Variants in ACAD11 observed in about 807,000 individuals in gnomAD.
ACAD11 encodes the protein acyl-Coenzyme A dehydrogenase family, member 11.
A neutral mutation model predicts 102.2 loss-of-function variants in ACAD11; 83 were observed. The ratio of observed to expected loss-of-function variants is 0.81; its 90% CI spans 0.68 to 0.97. ACAD11 has a LOEUF of 0.97. ACAD11 is among the 50% of genes least tolerant of loss of function. The probability of loss-of-function intolerance (pLI) is 0.00; values close to 1 mark genes in which losing one functional copy is unlikely to be tolerated. For synonymous variants in ACAD11, 324 were observed against 319.8 expected, an observed-to-expected ratio of 1.01 and a Z score of -0.14; for missense variants, 901 against 951.7, an observed-to-expected ratio of 0.95 and a Z score of 0.70.
At chr3:132,596,434 T>TA (rs1272314054) in intron 13 of ACAD11, among the ~76,000 whole-genome samples, 3 of 152,042 alleles carry the variant, frequency 2.0e-5, no homozygotes, top group East Asian at 1.9e-4. Context: ...AGTTTTTTTT[T>TA]AAAAAAGAGA....
Position 132,631,480 on chromosome 3 carries a change from C to G in ACAD11, c.703-1G>C. On this transcript the variant is annotated splice_acceptor_variant, in intron 5 of 19. Coordinates refer to ENST00000264990, the MANE Select transcript of ACAD11 (RefSeq NM_032169.5). LOFTEE classifies it high-confidence loss of function. ...AATCCAGCACTGCTATAACTCGACA[C>G]TGTAATTAAAAATAAAGAGGTCTGT... is the stretch of plus-strand genomic sequence containing the variant. The G allele has an allele frequency of 6.8e-7, 1 of 1,460,788 alleles. No homozygotes were observed. The highest frequency in any genetic ancestry group is 9.1e-7 in the Non-Finnish European group (1 of 1,101,922). The allele number at this position is 1,460,788 out of a possible 1,614,324, so 90.5% of individuals were successfully genotyped here.
chr3:132,600,577 C>T (rs1341021219), intron 13 of ACAD11: 5 of 1,613,940 alleles, frequency 3.1e-6, no homozygotes, highest in African/African-American at 1.3e-5. Context: ...CAGGCAATTC[C>T]ATGGTAGTGG....
chr3:132,618,940 C>A (rs1460224561), intron 10 of ACAD11, 168 bp from the exon 11 acceptor site: 1 of 517,862 alleles, frequency 1.9e-6, no homozygotes, highest in African/African-American at 2.0e-5. Context: ...CTTATTAATT[C>A]ATTATAAATC....
In ACAD11 at chr3:132,618,650, A is replaced by G. The variant is rs746925126; in HGVS notation, c.1398T>C (p.Phe466=). The change falls in exon 11 of 20, where the codon TTT becomes TTC. Residue 466 remains phenylalanine, a synonymous_variant. Coordinates refer to ENST00000264990, the MANE Select transcript of ACAD11 (RefSeq NM_032169.5). ...TGKCFFAPDV[F]NCQAPDTGNM... is the part of the protein sequence containing the mutation. ...TGTAGTAACCTGGTGCTTGGCAGTT[A>G]AAGACATCTGGAGCAAAAAAGCATT... 2 of 1,601,878 alleles carry G rather than the reference A, an allele frequency of 1.2e-6. No homozygotes were observed. The highest frequency in any genetic ancestry group is 1.7e-6 in the Non-Finnish European group (2 of 1,175,336).
intron 11 of ACAD11, chr3:132,618,391 A>G (rs1018421263): frequency 5.3e-5 from 23 of 433,626 alleles, no homozygotes; most frequent in Non-Finnish European, 7.2e-5. Flanking sequence ...TACACGACCA[A>G]TCCCTTTGGT....
rs551991080 is a variant in ACAD11 at position 132,583,786 on chromosome 3, T to C, written c.1622-4228A>G. Among the ~76,000 whole-genome samples, 53 of 152,354 alleles carry C rather than the reference T, an allele frequency of 3.5e-4. No individual in the cohort carries two copies. The South Asian group carries it at 6.6e-3, about 19-fold the overall frequency. On this transcript the variant is annotated intron_variant, in intron 13 of 19. Transcript: ENST00000264990. ...GTTGGTTTCAAAGAACATCTTTATT[T>C]CTGCCTTCATTTCGTTATGTACCTA...
chr3:132,587,013 G>A (rs1339773512), intron 13 of ACAD11, among the ~76,000 whole-genome samples: 1 of 152,184 alleles, frequency 6.6e-6, no homozygotes, highest in Non-Finnish European at 1.5e-5. Flanking sequence ...AGAATTGCCT[G>A]AACCCGGGAG....
In ACAD11 at chr3:132,628,400, C is replaced by G; in HGVS notation, c.1010G>C (p.Ser337Thr). 1 of 1,613,158 alleles carries G rather than the reference C, an allele frequency of 6.2e-7. No individual in the cohort carries two copies. Among genetic ancestry groups the G allele is most frequent in the Non-Finnish European group, 8.5e-7 (1 of 1,179,582 alleles). Residue 337 changes from serine to threonine, a missense_variant, in exon 8 of 20, where the codon AGC becomes ACC. Coordinates refer to ENST00000264990, the MANE Select transcript of ACAD11 (RefSeq NM_032169.5). ...TTGCACAATATTGGCAAATAAAAAGCTATCCTCAGATGAATTATTTCCCAG... is the reference window on the plus strand; with the variant it reads ...TTGCACAATATTGGCAAATAAAAAGGTATCCTCAGATGAATTATTTCCCAG... ...YLLGNNSSED[S>T]FLFANIVQPL... is the part of the protein sequence containing the mutation.
At chr3:132,600,066 T>A (rs1938500651) in intron 13 of ACAD11, among the ~76,000 whole-genome samples, 1 of 152,222 alleles carries the variant, frequency 6.6e-6, no homozygotes, top group Non-Finnish European at 1.5e-5. Flanking sequence ...TTTCATATTT[T>A]AAAAATCATT....
At chr3:132,573,455 ATAT>A (rs1311821474) in intron 17 of ACAD11, among the ~76,000 whole-genome samples, 1 of 152,180 alleles carries the variant, frequency 6.6e-6, no homozygotes, top group Admixed American at 6.5e-5. Flanking sequence ...TAAATAAAAT[ATAT>A]TATTAAAATT....
chr3:132,583,513 C>T (rs1252671162), intron 13 of ACAD11, among the ~76,000 whole-genome samples: 6 of 151,908 alleles, frequency 3.9e-5, no homozygotes, highest in Admixed American at 1.3e-4. Flanking sequence ...CCTGGATTCA[C>T]TGATTTTTTG....
At chr3:132,625,844 T>C (rs934899696) in intron 9 of ACAD11, among the ~76,000 whole-genome samples, 1 of 152,160 alleles carries the variant, frequency 6.6e-6, no homozygotes, top group Non-Finnish European at 1.5e-5. Context: ...GAATGTGTTA[T>C]ATATTTAGTC....
intron 1 of ACAD11, chr3:132,648,614 C>T (rs1024459766): frequency 6.6e-6 from 1 of 151,652 alleles, no homozygotes; most frequent in Admixed American, 6.6e-5. Context: ...CAGGAAGCCA[C>T]TTATCCCTTG....
At chr3:132,574,118 A>G (rs1030805602) in intron 17 of ACAD11, among the ~76,000 whole-genome samples, 2 of 152,218 alleles carry the variant, frequency 1.3e-5, no homozygotes, top group African/African-American at 4.8e-5. Context: ...CTAATGCAGT[A>G]TTAAAACACC....
At chr3:132,584,895 A>G (rs1937733318) in intron 13 of ACAD11, among the ~76,000 whole-genome samples, 1 of 152,254 alleles carries the variant, frequency 6.6e-6, no homozygotes, top group South Asian at 2.1e-4. Flanking sequence ...GGAAGAATCA[A>G]TATTATGAAA....
chr3:132,568,801 C>CAAAAAAAAAAAAAAAAAA lies in ACAD11; in HGVS notation c.2001+6953_2001+6970dup, dbSNP rs755568917. On this transcript the variant is annotated intron_variant, in intron 17 of 19. Transcript: ENST00000264990. Reference sequence around the variant, plus strand: ...GCTGAAGCAATTGGACATCCACAGGCAAAAAAAAAAAAAAAAAAAAAAAAA... The same window carrying CAAAAAAAAAAAAAAAAAA: ...GCTGAAGCAATTGGACATCCACAGGCAAAAAAAAAAAAAAAAAAAAAAAAAAAAAAAAAAAAAAAAAAA... Among the ~76,000 whole-genome samples the CAAAAAAAAAAAAAAAAAA allele has an allele frequency of 3.1e-4, 21 of 68,678 alleles. 1 individual carries two copies. The highest frequency in any genetic ancestry group is 9.4e-4 in the East Asian group (3 of 3,196). The allele number at this position is 68,678 out of a possible 152,430, so 45.1% of individuals were successfully genotyped here. A position where few individuals can be genotyped will look rare whatever the true frequency, so the allele number is the denominator to read the frequency against.
Position 132,630,520 on chromosome 3 carries a change from G to C in ACAD11, c.880C>G (p.Arg294Gly). 6.2e-7 allele frequency: 1 copy of C among 1,612,108 alleles called. No individual in the cohort carries two copies. Among genetic ancestry groups the C allele is most frequent in the Non-Finnish European group, 8.5e-7 (1 of 1,178,974 alleles). ...AGAATAGAATTAATTCCCCTGCAGC[G>C]GCAATATATTGAAATCAGTTCTTCC... Reference protein sequence around the residue: ...SMEELISIYCRCRGINSILPN... With the variant: ...SMEELISIYCGCRGINSILPN... The change falls in exon 7 of 20, where the codon CGC becomes GGC. Residue 294 changes from arginine (R) to glycine (G), a missense_variant. Coordinates refer to ENST00000264990, the MANE Select transcript of ACAD11 (RefSeq NM_032169.5).
At chr3:132,595,708 T>C (rs1938273151) in intron 13 of ACAD11, among the ~76,000 whole-genome samples, 1 of 152,154 alleles carries the variant, frequency 6.6e-6, no homozygotes, top group South Asian at 2.1e-4. Context: ...TAAACATCAC[T>C]GATCATTAGA....
chr3:132,647,327 C>A (rs1020891667), intron 1 of ACAD11: 3 of 152,138 alleles, frequency 2.0e-5, no homozygotes, highest in Non-Finnish European at 2.9e-5. Context: ...ATAGTCAGAA[C>A]TATTGGTTAG....
Sources: allele counts gnomAD v4.1 joint callset (sites outside exome capture counted in the v4.1 genomes callset), GRCh38; gene constraint gnomAD v4.1.1; transcripts MANE v1.5; gene names NCBI Gene and HGNC (gene_info 2026-07-23, HGNC 2026-07-21).